PCCA: variants seen among roughly 807,000 people sequenced by gnomAD.
PCCA encodes the protein propionyl-CoA carboxylase subunit alpha, also known as propionyl-CoA carboxylase alpha chain, mitochondrial.
A neutral mutation model predicts 101.3 loss-of-function variants in PCCA; 74 were observed. The ratio of observed to expected loss-of-function variants is 0.73; its 90% CI spans 0.61 to 0.89. The LOEUF (loss-of-function observed/expected upper bound fraction) is 0.89, where lower values mean the gene tolerates loss of function less well. PCCA is among the 40% of genes least tolerant of loss of function. PCCA has a pLI of 0.00. For synonymous variants in PCCA, 294 were observed against 313.6 expected (o/e 0.94, Z 0.66); for missense variants, 891 against 907.0 (o/e 0.98, Z 0.23).
At chr13:100,292,175 G>A (rs2065174527) in intron 12 of PCCA, among the ~76,000 whole-genome samples, 2 of 152,216 alleles carry the variant, frequency 1.3e-5, no homozygotes, top group South Asian at 2.1e-4. Context: ...ACCCTCTGAA[G>A]TCAGATATAT....
intron 19 of PCCA, 121 bp downstream of exon 19, chr13:100,368,695 ATCT>A (rs2075378524): frequency 2.9e-6 from 2 of 692,762 alleles, no homozygotes; most frequent in Non-Finnish European, 2.6e-6. Flanking sequence ...TGTATTTTTC[ATCT>A]TCTTTAGGAA....
chr13:100,520,507 C>T (rs1246650272), intron 22 of PCCA, among the ~76,000 whole-genome samples: 2 of 151,370 alleles, frequency 1.3e-5, no homozygotes, highest in Non-Finnish European at 3.0e-5. Flanking sequence ...CAGTGGCGGG[C>T]GCCTGTAGTC....
intron 19 of PCCA, among the ~76,000 whole-genome samples, chr13:100,384,627 T>A (rs1319426617): frequency 6.6e-6 from 1 of 152,178 alleles, no homozygotes; most frequent in African/African-American, 2.4e-5. Flanking sequence ...TTTTGGAACA[T>A]CTTTTGTTCA....
chr13:100,110,991 C>G (rs1002399935), intron 2 of PCCA, among the ~76,000 whole-genome samples: 1 of 150,980 alleles, frequency 6.6e-6, no homozygotes, highest in African/African-American at 2.4e-5. Context: ...ACCATCACGC[C>G]GGCTAATTTT....
intron 21 of PCCA, among the ~76,000 whole-genome samples, chr13:100,455,592 A>G (rs1483973444): frequency 6.6e-6 from 1 of 152,094 alleles, no homozygotes; most frequent in Non-Finnish European, 1.5e-5. Flanking sequence ...CTAGCCTGCT[A>G]CTCATGGATA....
intron 22 of PCCA, among the ~76,000 whole-genome samples, chr13:100,520,487 T>C (rs1005983800): frequency 4.6e-5 from 7 of 151,824 alleles, no homozygotes; most frequent in Admixed American, 1.3e-4. Flanking sequence ...TACAAAAAAT[T>C]AGCCGGGCGC....
intron 1 of PCCA, among the ~76,000 whole-genome samples, chr13:100,093,638 G>A (rs1260280712): frequency 6.6e-6 from 1 of 152,182 alleles, no homozygotes; most frequent in South Asian, 2.1e-4. Context: ...ATGAGGCCAG[G>A]TGTGGTAGCT....
intron 20 of PCCA, among the ~76,000 whole-genome samples, chr13:100,435,822 T>C (rs1287280889): frequency 6.6e-6 from 1 of 152,142 alleles, no homozygotes; most frequent in Non-Finnish European, 1.5e-5. Flanking sequence ...GGCAGGTGGA[T>C]CACCTAAGGT....
intron 21 of PCCA, among the ~76,000 whole-genome samples, chr13:100,503,683 C>T (rs182204708): frequency 7.9e-5 from 12 of 151,938 alleles, no homozygotes; most frequent in African/African-American, 2.2e-4. Context: ...GGGCATGGAT[C>T]GCTTGAGCCT....
intron 21 of PCCA, among the ~76,000 whole-genome samples, chr13:100,461,930 A>G (rs2082190430): frequency 6.6e-6 from 1 of 152,214 alleles, no homozygotes. Flanking sequence ...TCAACTCCAC[A>G]GGGCTTCCTC....
chr13:100,383,230 C>T (rs1377555217), intron 19 of PCCA, among the ~76,000 whole-genome samples: 1 of 151,982 alleles, frequency 6.6e-6, no homozygotes, highest in East Asian at 2.0e-4. Flanking sequence ...GGGTTCAAGC[C>T]ATCTGCCCAC....
chr13:100,447,240 C>T (rs1202398902), intron 20 of PCCA, among the ~76,000 whole-genome samples: 3 of 150,038 alleles, frequency 2.0e-5, no homozygotes, highest in African/African-American at 7.4e-5. Flanking sequence ...AAAAATTAGC[C>T]GGGCATGGTG....
intron 6 of PCCA, among the ~76,000 whole-genome samples, chr13:100,207,932 C>T (rs991920874): frequency 1.3e-5 from 2 of 151,958 alleles, no homozygotes; most frequent in African/African-American, 4.8e-5. Context: ...GCAGGAGAAT[C>T]GCTTGAACCC....
At chr13:100,376,879 G>C (rs978288200) in intron 19 of PCCA, among the ~76,000 whole-genome samples, 1 of 152,202 alleles carries the variant, frequency 6.6e-6, no homozygotes, top group Non-Finnish European at 1.5e-5. Context: ...AGCTAGCTTG[G>C]TGTCTGCCCA....
chr13:100,304,107 C>T (rs2066277133), intron 14 of PCCA, among the ~76,000 whole-genome samples: 1 of 152,200 alleles, frequency 6.6e-6, no homozygotes, highest in Non-Finnish European at 1.5e-5. Context: ...AACGTGAGAC[C>T]TGTTGAAAGT....
At chr13:100,275,390 G>T (rs1350591772) in intron 12 of PCCA, among the ~76,000 whole-genome samples, 1 of 152,168 alleles carries the variant, frequency 6.6e-6, no homozygotes, top group East Asian at 1.9e-4. Context: ...CTGCTCCCCA[G>T]CCGTGGGGAA....
At chr13:100,121,407 G>T (rs545876138) in intron 4 of PCCA, among the ~76,000 whole-genome samples, 3 of 151,012 alleles carry the variant, frequency 2.0e-5, no homozygotes, top group Non-Finnish European at 4.4e-5. Flanking sequence ...TGATCCTCCC[G>T]CTGTGGCCTC....
chr13:100,284,983 T>C (rs2152637739), intron 12 of PCCA, among the ~76,000 whole-genome samples: 1 of 152,326 alleles, frequency 6.6e-6, no homozygotes, highest in South Asian at 2.1e-4. Flanking sequence ...CTAGATCTCT[T>C]GAACTTTCTA....
At chr13:100,218,125 T>A (rs1056767693) in intron 7 of PCCA, among the ~76,000 whole-genome samples, 1 of 152,102 alleles carries the variant, frequency 6.6e-6, no homozygotes, top group Non-Finnish European at 1.5e-5. Context: ...GGTTACATTT[T>A]GACCATTGCA....
Sources: gnomAD v4.1 joint callset for allele counts (sites outside exome capture counted in the v4.1 genomes callset) on GRCh38, gnomAD v4.1.1 for gene constraint, MANE v1.5 for transcripts, NCBI Gene and HGNC (gene_info 2026-07-23, HGNC 2026-07-21) for gene names.